KCNK2: variants seen among roughly 807,000 people sequenced by gnomAD.
KCNK2 encodes potassium channel subfamily K member 2.
Under a neutral mutation model 40.5 loss-of-function variants are expected in KCNK2, and 21 were observed. That is an observed-to-expected ratio of 0.52 (90% CI 0.37 to 0.75). KCNK2 has a LOEUF of 0.75. Ranked by LOEUF, KCNK2 falls within the 30% of genes least tolerant of loss-of-function variation. KCNK2 has a pLI of 0.00. For synonymous variants in KCNK2, 191 were observed against 202.2 expected (o/e 0.94, Z 0.47); for missense variants, 399 against 531.6 (o/e 0.75, Z 2.45).
chr1:215,141,167 CTT>C (rs892775965), intron 3 of KCNK2, among the ~76,000 whole-genome samples: 11 of 152,036 alleles, frequency 7.2e-5, no homozygotes, highest in African/African-American at 2.7e-4. Context: ...ATAACAATAA[CTT>C]CTCCTAGAAT....
chr1:215,108,271 T>C (rs1209894549), intron 2 of KCNK2, among the ~76,000 whole-genome samples: 1 of 152,128 alleles, frequency 6.6e-6, no homozygotes, highest in African/African-American at 2.4e-5. Flanking sequence ...GGGACCCCTG[T>C]TATAAGTAAT....
At chr1:215,042,588 A>G (rs1232534668) in intron 1 of KCNK2, among the ~76,000 whole-genome samples, 3 of 152,242 alleles carry the variant, frequency 2.0e-5, no homozygotes, top group African/African-American at 7.2e-5. Context: ...AGAGTAGAAG[A>G]GTAGAAAGAA....
intron 1 of KCNK2, among the ~76,000 whole-genome samples, chr1:215,029,073 G>A (rs1285726808): frequency 3.3e-5 from 5 of 151,132 alleles, no homozygotes; most frequent in Admixed American, 6.6e-5. Context: ...AAAGCTTCCC[G>A]CAATATCAAC....
At chr1:215,189,475 A>G (rs960555537) in intron 5 of KCNK2, among the ~76,000 whole-genome samples, 17 of 151,984 alleles carry the variant, frequency 1.1e-4, no homozygotes, top group Non-Finnish European at 2.1e-4. Context: ...TCATGTGTTG[A>G]TTTTTCTTTC....
chr1:215,023,272 C>T (rs1469989860), intron 1 of KCNK2, among the ~76,000 whole-genome samples: 3 of 152,000 alleles, frequency 2.0e-5, no homozygotes, highest in Admixed American at 2.0e-4. Context: ...CTTGGAAATA[C>T]ATAAGCTCTT....
At chr1:215,114,086 G>T (rs901388546) in intron 2 of KCNK2, among the ~76,000 whole-genome samples, 10 of 152,062 alleles carry the variant, frequency 6.6e-5, no homozygotes, top group African/African-American at 2.4e-4. Context: ...TTTTCTGCAT[G>T]TTTCACCAAC....
chr1:215,161,100 C>T (rs749662853), intron 3 of KCNK2, among the ~76,000 whole-genome samples: 3 of 152,040 alleles, frequency 2.0e-5, no homozygotes, highest in African/African-American at 4.8e-5. Flanking sequence ...TCTTTATAGC[C>T]GGAATAAACA....
intron 3 of KCNK2, among the ~76,000 whole-genome samples, chr1:215,146,369 A>G (rs896060074): frequency 3.9e-5 from 6 of 152,204 alleles, no homozygotes; most frequent in Non-Finnish European, 7.3e-5. Flanking sequence ...GTAACTTCCT[A>G]TAGATTTTGA....
At chr1:215,041,825 T>A (rs969508464) in intron 1 of KCNK2, among the ~76,000 whole-genome samples, 4 of 152,186 alleles carry the variant, frequency 2.6e-5, no homozygotes, top group Non-Finnish European at 4.4e-5. Context: ...GGTTGGATAC[T>A]GCATTAGTCC....
intron 3 of KCNK2, among the ~76,000 whole-genome samples, chr1:215,168,498 A>G (rs113356404): frequency 8.5e-5 from 13 of 152,348 alleles, no homozygotes; most frequent in African/African-American, 3.1e-4. Flanking sequence ...TGTGGTACAT[A>G]TACACCATGG....
intron 6 of KCNK2, 108 bp from the exon 7 acceptor site, chr1:215,234,720 T>C (rs1478161526): frequency 1.9e-6 from 2 of 1,041,622 alleles, no homozygotes; most frequent in Non-Finnish European, 2.8e-6. Flanking sequence ...AAAAGACTAC[T>C]CCACTCTTCT....
At chr1:215,163,222 C>T (rs777050540) in intron 3 of KCNK2, among the ~76,000 whole-genome samples, 12 of 152,074 alleles carry the variant, frequency 7.9e-5, no homozygotes, top group Non-Finnish European at 1.6e-4. Flanking sequence ...TGATTTGGCT[C>T]TCTGTCTATT....
intron 2 of KCNK2, among the ~76,000 whole-genome samples, chr1:215,115,864 G>A (rs1325799458): frequency 6.6e-6 from 1 of 151,734 alleles, no homozygotes; most frequent in African/African-American, 2.4e-5. Context: ...GAAGACTCAT[G>A]GAAAAATGCA....
At chr1:215,189,098 T>G (rs956387213) in intron 5 of KCNK2, among the ~76,000 whole-genome samples, 7 of 152,170 alleles carry the variant, frequency 4.6e-5, no homozygotes, top group Non-Finnish European at 7.4e-5. Flanking sequence ...AGTCACTCCC[T>G]GATTTAACTT....
chr1:215,177,105 T>C (rs1664009878), intron 5 of KCNK2, among the ~76,000 whole-genome samples: 1 of 152,308 alleles, frequency 6.6e-6, no homozygotes, highest in South Asian at 2.1e-4. Flanking sequence ...TTGAGTTTTT[T>C]TTCATATGTT....
intron 1 of KCNK2, among the ~76,000 whole-genome samples, chr1:215,068,308 A>T (rs1349036498): frequency 6.6e-6 from 1 of 152,174 alleles, no homozygotes; most frequent in Non-Finnish European, 1.5e-5. Context: ...TAAGATTCAC[A>T]TTGCCAGAAA....
chr1:215,136,591 A>T (rs377377551), intron 3 of KCNK2, among the ~76,000 whole-genome samples: 1 of 152,174 alleles, frequency 6.6e-6, no homozygotes, highest in African/African-American at 2.4e-5. Context: ...TCTTGTTTAC[A>T]GTCAGTGTCC....
At chr1:215,025,967 TAGC>T (rs1656986269) in intron 1 of KCNK2, among the ~76,000 whole-genome samples, 1 of 152,104 alleles carries the variant, frequency 6.6e-6, no homozygotes, top group Admixed American at 6.5e-5. Flanking sequence ...TTTACATTTT[TAGC>T]AGCAATGTAG....
chr1:215,021,947 C>A (rs918821337), intron 1 of KCNK2, among the ~76,000 whole-genome samples: 2 of 152,106 alleles, frequency 1.3e-5, no homozygotes, highest in Non-Finnish European at 2.9e-5. Context: ...TAGGCCTCAG[C>A]CTCAGGCTGA....
Sources: gnomAD v4.1 joint callset for allele counts (sites outside exome capture counted in the v4.1 genomes callset) on GRCh38, gnomAD v4.1.1 for gene constraint, MANE v1.5 for transcripts, NCBI Gene and HGNC (gene_info 2026-07-23, HGNC 2026-07-21) for gene names.